Variants in SNTB1 observed in about 807,000 individuals in gnomAD.
The protein encoded by SNTB1 is syntrophin beta 1.
A neutral mutation model predicts 48.9 loss-of-function variants in SNTB1; 36 were observed. That is an observed-to-expected ratio of 0.74 (90% CI 0.56 to 0.97). The LOEUF (loss-of-function observed/expected upper bound fraction) is 0.97. Ranked by LOEUF, SNTB1 falls within the 50% of genes least tolerant of loss-of-function variation. The probability of loss-of-function intolerance (pLI) is 0.00; values close to 1 mark genes in which losing one functional copy is unlikely to be tolerated. For missense variants in SNTB1, 786 were observed against 703.4 expected (o/e 1.12, Z -1.33); for synonymous variants, 299 against 294.6 (o/e 1.01, Z -0.15).
chr8:120,645,486 T>C (rs1167632765), intron 2 of SNTB1, among the ~76,000 whole-genome samples: 1 of 151,810 alleles, frequency 6.6e-6, no homozygotes, highest in Non-Finnish European at 1.5e-5. Flanking sequence ...ACATGCGGCA[T>C]TATTTCTGAG....
chr8:120,707,875 G>A (rs1407717582), intron 1 of SNTB1, among the ~76,000 whole-genome samples: 2 of 151,966 alleles, frequency 1.3e-5, no homozygotes, highest in Non-Finnish European at 2.9e-5. Context: ...ACTGATGCTG[G>A]GAAAATCTAT....
At chr8:120,701,702 T>C (rs1818311844) in intron 1 of SNTB1, among the ~76,000 whole-genome samples, 1 of 152,212 alleles carries the variant, frequency 6.6e-6, no homozygotes, top group African/African-American at 2.4e-5. Context: ...TTTCATTCAG[T>C]TACCAATATT....
chr8:120,687,710 A>G (rs758374121), intron 2 of SNTB1, among the ~76,000 whole-genome samples: 2 of 152,188 alleles, frequency 1.3e-5, no homozygotes, highest in Non-Finnish European at 2.9e-5. Context: ...ATTAATACTT[A>G]GTGTTCTGGC....
At chr8:120,572,369 G>A (rs898711172) in intron 4 of SNTB1, among the ~76,000 whole-genome samples, 3 of 152,162 alleles carry the variant, frequency 2.0e-5, no homozygotes, top group Admixed American at 6.5e-5. Flanking sequence ...ACTGTGCCAG[G>A]AAGGACACAA....
intron 1 of SNTB1, among the ~76,000 whole-genome samples, chr8:120,696,454 A>G (rs1444307185): frequency 6.6e-6 from 1 of 152,244 alleles, no homozygotes; most frequent in African/African-American, 2.4e-5. Flanking sequence ...AATATACTTA[A>G]TGATGTGCCA....
intron 4 of SNTB1, 21 bp from the exon 5 acceptor site, chr8:120,548,979 ACAT>A: frequency 6.6e-7 from 1 of 1,525,116 alleles, no homozygotes; most frequent in East Asian, 2.3e-5. Flanking sequence ...AGAGAGAGAG[ACAT>A]CATCAAAATG....
chr8:120,618,423 A>C (rs1816747928), intron 3 of SNTB1, among the ~76,000 whole-genome samples: 1 of 152,184 alleles, frequency 6.6e-6, no homozygotes, highest in African/African-American at 2.4e-5. Context: ...TTTTCTTACA[A>C]ATTATCTACC....
chr8:120,765,715 A>C (rs1383412956), intron 1 of SNTB1: 1 of 152,178 alleles, frequency 6.6e-6, no homozygotes, highest in African/African-American at 2.4e-5. Context: ...ACTAGGTCCC[A>C]CCTCCCAACA....
At chr8:120,766,173 T>C (rs1587144013) in intron 1 of SNTB1, among the ~76,000 whole-genome samples, 1 of 152,336 alleles carries the variant, frequency 6.6e-6, no homozygotes, top group East Asian at 1.9e-4. Flanking sequence ...GCATAACCAC[T>C]GAGAACAGGA....
chr8:120,720,189 G>A (rs747654953), intron 1 of SNTB1, among the ~76,000 whole-genome samples: 6 of 152,180 alleles, frequency 3.9e-5, no homozygotes, highest in Admixed American at 1.3e-4. Flanking sequence ...CTTTGGGGCA[G>A]CCCAATCCTG....
chr8:120,561,156 C>G (rs185852285), intron 4 of SNTB1, among the ~76,000 whole-genome samples: 194 of 151,520 alleles, frequency 1.3e-3, no homozygotes, highest in African/African-American at 4.5e-3. Flanking sequence ...GGTGAAACCC[C>G]ATCTCTACTA....
intron 4 of SNTB1, among the ~76,000 whole-genome samples, chr8:120,574,557 T>G (rs1587002860): frequency 6.6e-6 from 1 of 152,276 alleles, no homozygotes; most frequent in African/African-American, 2.4e-5. Context: ...AAGACATATT[T>G]CACATGAATA....
intron 3 of SNTB1, among the ~76,000 whole-genome samples, chr8:120,621,469 G>C (rs539615932): frequency 5.9e-5 from 9 of 152,220 alleles, no homozygotes; most frequent in Admixed American, 5.9e-4. Context: ...TGGGAAAGTG[G>C]AGGGGTAGGG....
At chr8:120,633,504 C>G (rs1189228838) in intron 2 of SNTB1, among the ~76,000 whole-genome samples, 2 of 152,066 alleles carry the variant, frequency 1.3e-5, no homozygotes, top group African/African-American at 4.8e-5. Context: ...ACTTGGAAGG[C>G]TGAGACTGGA....
intron 3 of SNTB1, among the ~76,000 whole-genome samples, chr8:120,624,734 G>GAGTC (rs984103966): frequency 6.6e-6 from 1 of 151,652 alleles, no homozygotes; most frequent in African/African-American, 2.4e-5. Flanking sequence ...CATCAGATAT[G>GAGTC]AGACTCAAAA....
At chr8:120,605,155 C>A (rs1042380035) in intron 3 of SNTB1, among the ~76,000 whole-genome samples, 18 of 152,194 alleles carry the variant, frequency 1.2e-4, no homozygotes, top group African/African-American at 4.1e-4. Context: ...AAGCTTCCTT[C>A]CACTTTAATA....
chr8:120,655,093 C>A (rs187876759), intron 2 of SNTB1: 4 of 337,962 alleles, frequency 1.2e-5, no homozygotes, highest in Non-Finnish European at 2.4e-5. Context: ...TAGATCATGA[C>A]ATTTTGGGGT....
At chr8:120,643,424 C>T (rs1817230560) in intron 2 of SNTB1, among the ~76,000 whole-genome samples, 1 of 152,162 alleles carries the variant, frequency 6.6e-6, no homozygotes, top group Admixed American at 6.5e-5. Context: ...TCACCACCCT[C>T]CCACCCTTCC....
chr8:120,722,013 T>C lies in SNTB1; in HGVS notation c.572-28105A>G, dbSNP rs201326856. On this transcript the variant is annotated intron_variant, in intron 1 of 6. Coordinates refer to ENST00000517992, the MANE Select transcript of SNTB1 (RefSeq NM_021021.4). Reference sequence around the variant, plus strand: ...GTTTGGTTTCCTGTCCTTGTGATAGTTTGCTGAGAATGATGGTTTCCAGCT... The same window carrying C: ...GTTTGGTTTCCTGTCCTTGTGATAGCTTGCTGAGAATGATGGTTTCCAGCT... Among the ~76,000 whole-genome samples the C allele has an allele frequency of 4.1e-4, 63 of 152,192 alleles. No homozygotes were observed. In the East Asian group the frequency reaches 0.011, roughly 28 times the overall value.
Sources: allele counts gnomAD v4.1 joint callset (sites outside exome capture counted in the v4.1 genomes callset), GRCh38; gene constraint gnomAD v4.1.1; transcripts MANE v1.5; gene names NCBI Gene and HGNC (gene_info 2026-07-23, HGNC 2026-07-21).